THOC5: variants seen among roughly 807,000 people sequenced by gnomAD.
THOC5 encodes THO complex subunit 5.
In THOC5, 43 loss-of-function variants were observed where a neutral mutation model predicts 92.9. The observed-to-expected ratio is 0.46, with a 90% CI of 0.36 to 0.60. THOC5 has a LOEUF of 0.60. Ranked by LOEUF, THOC5 falls within the 20% of genes least tolerant of loss-of-function variation. The probability of loss-of-function intolerance (pLI) is 0.00; values close to 1 mark genes in which losing one functional copy is unlikely to be tolerated. For missense variants in THOC5, 659 were observed against 849.4 expected (o/e 0.78, Z 2.79); for synonymous variants, 296 against 320.1 (o/e 0.92, Z 0.80).
At chr22:29,514,490 G>C (rs920399675) in intron 17 of THOC5, among the ~76,000 whole-genome samples, 1 of 148,982 alleles carries the variant, frequency 6.7e-6, no homozygotes, top group Non-Finnish European at 1.5e-5. Flanking sequence ...CTAATTTTTT[G>C]TATTTTTAGT....
rs1569205368 is a variant in THOC5, at chr22:29,511,196, A to T, written c.1898T>A (p.Leu633Gln). The change falls in exon 19 of 20, where the codon CTG becomes CAG. Residue 633 changes from leucine to glutamine, a missense_variant. Transcript: ENST00000490103. Reference sequence around the variant, plus strand: ...GCTCTCGGTCTCCAGGTAAACATCCAGCAGCACACACAGCCGCTGCAGCTG... The same window carrying T: ...GCTCTCGGTCTCCAGGTAAACATCCTGCAGCACACACAGCCGCTGCAGCTG... ...TNQLQRLCVL[L>Q]DVYLETESHD... 1 of 1,614,240 alleles carries T rather than the reference A, an allele frequency of 6.2e-7. No individual in the cohort carries two copies.
chr22:29,544,075 A>T (rs1208816890), intron 3 of THOC5, among the ~76,000 whole-genome samples: 2 of 152,142 alleles, frequency 1.3e-5, no homozygotes, highest in African/African-American at 4.8e-5. Flanking sequence ...CTAAAACCTC[A>T]TTTATTCATT....
rs138130615 is a variant in THOC5, at chr22:29,528,106, C to G, written c.1038G>C (p.Leu346=). 6.2e-7 allele frequency: 1 copy of G among 1,614,220 alleles called. No homozygotes were observed. The highest frequency in any genetic ancestry group is 8.5e-7 in the Non-Finnish European group (1 of 1,180,046). The change falls in exon 11 of 20, where the codon CTG becomes CTC. Residue 346 remains leucine (L), a synonymous_variant. Coordinates refer to ENST00000490103, the MANE Select transcript of THOC5 (RefSeq NM_003678.5). ...TGCACTTCAGGTCGAGCATGACAGA[C>G]AGTGGGTGCCTCTTCAGCATCTCCT... ...KRKEMLKRHP[L]SVMLDLKCKD...
chr22:29,515,080 C>T (rs1051117304), intron 17 of THOC5, among the ~76,000 whole-genome samples: 11 of 151,784 alleles, frequency 7.2e-5, no homozygotes, highest in African/African-American at 2.4e-4. Flanking sequence ...CTTGCTCTGT[C>T]GCCCAGGCTG....
intron 12 of THOC5, 51 bp downstream of exon 12, chr22:29,525,787 C>G (rs746703892): frequency 2.7e-6 from 4 of 1,472,294 alleles, no homozygotes; most frequent in Non-Finnish European, 3.8e-6. Context: ...CAATGAGGCT[C>G]TCATCACCTC....
chr22:29,531,184 A>T, intron 8 of THOC5: 3 of 1,077,538 alleles, frequency 2.8e-6, no homozygotes, highest in Non-Finnish European at 3.4e-6. Flanking sequence ...AAGAAGAGAC[A>T]GTAATGTGTT....
chr22:29,548,639 C>T (rs1312583631), intron 2 of THOC5, among the ~76,000 whole-genome samples: 2 of 152,046 alleles, frequency 1.3e-5, no homozygotes, highest in African/African-American at 4.8e-5. Flanking sequence ...AAGAAAAGAA[C>T]CTGACGACCA....
chr22:29,526,604 T>C (rs986739239), intron 11 of THOC5, among the ~76,000 whole-genome samples: 5 of 152,060 alleles, frequency 3.3e-5, no homozygotes, highest in African/African-American at 1.2e-4. Context: ...AATTCTTTGC[T>C]ACGCTTCCCA....
chr22:29,541,089 T>G (rs2063871775), intron 5 of THOC5, among the ~76,000 whole-genome samples: 1 of 151,558 alleles, frequency 6.6e-6, no homozygotes, highest in Non-Finnish European at 1.5e-5. Flanking sequence ...TGGTGGCTCA[T>G]GCATGCAATC....
At chr22:29,511,449 G>GA in intron 18 of THOC5, 153 bp from the exon 19 acceptor site, 1 of 723,314 alleles carries the variant, frequency 1.4e-6, no homozygotes, top group Non-Finnish European at 2.2e-6. Flanking sequence ...AGACTGGCTT[G>GA]TCCTCAGGCC....
intron 17 of THOC5, among the ~76,000 whole-genome samples, chr22:29,513,581 A>G (rs1186708387): frequency 6.6e-6 from 1 of 152,088 alleles, no homozygotes; most frequent in Non-Finnish European, 1.5e-5. Context: ...CCAGCTGCTT[A>G]GGAGGCCAAG....
At position 29,539,319 on chromosome 22, in the gene THOC5, G is replaced by A; in HGVS notation, c.599+11C>T. 1 of 1,612,768 alleles carries A rather than the reference G, an allele frequency of 6.2e-7. No homozygotes were observed. The highest frequency in any genetic ancestry group is 8.5e-7 in the Non-Finnish European group (1 of 1,179,216). On this transcript the variant is annotated intron_variant, in intron 6 of 19. Coordinates refer to ENST00000490103, the MANE Select transcript of THOC5 (RefSeq NM_003678.5). ...TTTGTGGTTAAAAGGTCAGGAAGGA[G>A]GAAATGCTACCTTTTCCGCTGCTCC...
rs202047216 is a variant in THOC5 at position 29,531,923 on chromosome 22, T to A, written c.755A>T (p.Asp252Val). The A allele has an allele frequency of 5.7e-5, 92 of 1,614,130 alleles. No individual in the cohort carries two copies. In the Admixed American group the frequency reaches 1.5e-3, roughly 26 times the overall value. Residue 252 changes from aspartate to valine, a missense_variant, in exon 8 of 20, where the codon GAC (aspartate) becomes GTC (valine). Physicochemically the swap from Asp to Val is radical, Grantham distance 152 (BLOSUM62 -3). Transcript: ENST00000490103. ...PVQEYLFMPFDQAHKQYETAR... is the reference protein window; with the variant it reads ...PVQEYLFMPFVQAHKQYETAR... Reference sequence around the variant, plus strand: ...TGTCTCATACTGCTTGTGAGCCTGGTCGAATGGCATAAACAGGTACTCCTG... The same window carrying A: ...TGTCTCATACTGCTTGTGAGCCTGGACGAATGGCATAAACAGGTACTCCTG...
rs1046577310 is a variant in THOC5, at chr22:29,524,413, C to T, written c.1175+1425G>A. On this transcript the variant is annotated intron_variant, in intron 12 of 19. Transcript: ENST00000490103. ...GATATTACAATTAACAACCACACAGCGAGGAAACAGATTCTGAGGCCAGGT... is the reference window on the plus strand; with the variant it reads ...GATATTACAATTAACAACCACACAGTGAGGAAACAGATTCTGAGGCCAGGT... Among the ~76,000 whole-genome samples the T allele has an allele frequency of 7.2e-5, 11 of 152,220 alleles. 1 individual carries two copies. Among genetic ancestry groups the T allele is most frequent in the South Asian group, 4.1e-4 (2 of 4,820 alleles).
chr22:29,528,066 G>T lies in THOC5; in HGVS notation c.1066+12C>A. On this transcript the variant is annotated intron_variant, in intron 11 of 19. Transcript: ENST00000490103. ...GCTACAGATCCCTTAAACAAGGTGA[G>T]TGCAACCAGACCTTTGCACTTCAGG... 6.2e-7 allele frequency: 1 copy of T among 1,614,076 alleles called. No individual in the cohort carries two copies. The highest frequency in any genetic ancestry group is 1.1e-5 in the South Asian group (1 of 91,080).
In THOC5 at chr22:29,549,036, C is replaced by A; in HGVS notation, c.96+16G>T. ...ATGTAATTTCTCAGCAGCATGGCAACCCTGACTGATCTCACCTGCTCGGTG... is the reference window on the plus strand; with the variant it reads ...ATGTAATTTCTCAGCAGCATGGCAAACCTGACTGATCTCACCTGCTCGGTG... On this transcript the variant is annotated intron_variant, in intron 2 of 19. Transcript: ENST00000490103. 1 of 1,613,192 alleles carries A rather than the reference C, an allele frequency of 6.2e-7. No individual in the cohort carries two copies. The highest frequency in any genetic ancestry group is 8.5e-7 in the Non-Finnish European group (1 of 1,179,468).
At chr22:29,524,781 G>C (rs2063510531) in intron 12 of THOC5, among the ~76,000 whole-genome samples, 1 of 152,192 alleles carries the variant, frequency 6.6e-6, no homozygotes, top group South Asian at 2.1e-4. Flanking sequence ...AAACCCAAGA[G>C]ACACCAGCAT....
At chr22:29,544,661 T>TCCCAG in intron 2 of THOC5, 58 bp from the exon 3 acceptor site, 1 of 1,443,354 alleles carries the variant, frequency 6.9e-7, no homozygotes, top group Non-Finnish European at 9.2e-7. Flanking sequence ...CCTGCTGGGA[T>TCCCAG]CAGGGACACT....
Position 29,548,600 on chromosome 22 carries a change from G to C in THOC5, c.96+452C>G, listed in dbSNP as rs60751623. On this transcript the variant is annotated intron_variant, in intron 2 of 19. Transcript: ENST00000490103. ...AGCTAAGTCACAAATGAAGTTGACA[G>C]ATTCAAGGACAGAGAAACAGACAAA... Among the ~76,000 whole-genome samples, 636 of 152,236 alleles carry C rather than the reference G, an allele frequency of 4.2e-3. 11 individuals are homozygous for C. In the Middle Eastern group the frequency reaches 0.044, roughly 11 times the overall value.
Sources: gnomAD v4.1 joint callset for allele counts (sites outside exome capture counted in the v4.1 genomes callset) on GRCh38, gnomAD v4.1.1 for gene constraint, MANE v1.5 for transcripts, NCBI Gene and HGNC (gene_info 2026-07-23, HGNC 2026-07-21) for gene names.